The following FAT3 variants were observed in gnomAD, a reference collection of about 807,000 sequenced individuals.
FAT3 encodes the protein FAT atypical cadherin 3.
A neutral mutation model predicts 310.2 loss-of-function variants in FAT3; 95 were observed. The observed-to-expected ratio is 0.31, with a 90% CI of 0.26 to 0.36. FAT3 has a LOEUF of 0.36. Among genes scored for constraint, FAT3 ranks in the 10% least tolerant of loss-of-function variants. The probability of loss-of-function intolerance (pLI) is 1.00; values close to 1 mark genes in which losing one functional copy is unlikely to be tolerated. For missense variants in FAT3, 5,408 were observed against 5,715.6 expected (o/e 0.95, Z 1.74); for synonymous variants, 2,314 against 2,192.9 (o/e 1.06, Z -1.54).
rs560685063 is a variant in FAT3, at chr11:92,673,218, C to A, written c.3608-24166C>A. On this transcript the variant is annotated intron_variant, in intron 3 of 27. Transcript: ENST00000525166. Reference sequence around the variant, plus strand: ...GGTTATTTCCTCAATTTTATAAGACCAGCTCATATTTGGGGCTCCGCAAAG... The same window carrying A: ...GGTTATTTCCTCAATTTTATAAGACAAGCTCATATTTGGGGCTCCGCAAAG... Among the ~76,000 whole-genome samples, 3 of 152,108 alleles carry A rather than the reference C, an allele frequency of 2.0e-5. No homozygotes were observed. The East Asian group carries it at 5.8e-4, about 29-fold the overall frequency.
At chr11:92,775,596 A>G (rs1174077567) in intron 7 of FAT3, among the ~76,000 whole-genome samples, 2 of 152,176 alleles carry the variant, frequency 1.3e-5, no homozygotes, top group Non-Finnish European at 1.5e-5. Flanking sequence ...AGTCCCATTT[A>G]TGTCTGTGGA....
In FAT3 at chr11:92,442,105, A is replaced by ATTTTTTT. The variant is rs1565320166; in HGVS notation, c.3293-82528_3293-82527insTTTTTTT. ...TTTATATATATATATATATATATAT[A>ATTTTTTT]TATATATTTTTTTTTTTTTTTTTTT... On this transcript the variant is annotated intron_variant, in intron 2 of 27. Coordinates refer to ENST00000525166, the MANE Select transcript of FAT3 (RefSeq NM_001367949.2). 6.2e-3 allele frequency among the ~76,000 whole-genome samples: 125 copies of ATTTTTTT among 20,324 alleles called. 3 individuals are homozygous for ATTTTTTT. The highest frequency in any genetic ancestry group is 0.02 in the African/African-American group (114 of 5,822). The allele number at this position is 20,324 out of a possible 152,430, so 13.3% of individuals were successfully genotyped here.
intron 22 of FAT3, among the ~76,000 whole-genome samples, chr11:92,876,365 A>G (rs1291799806): frequency 1.3e-5 from 2 of 152,094 alleles, no homozygotes; most frequent in East Asian, 3.9e-4. Flanking sequence ...ACAATTTTCA[A>G]CTCTATTAAA....
chr11:92,613,558 T>G (rs980681379), intron 3 of FAT3, among the ~76,000 whole-genome samples: 2 of 152,146 alleles, frequency 1.3e-5, no homozygotes, highest in African/African-American at 4.8e-5. Context: ...GTATGCATAT[T>G]TAATAACCCA....
chr11:92,650,418 T>C (rs959638207), intron 3 of FAT3, among the ~76,000 whole-genome samples: 4 of 152,204 alleles, frequency 2.6e-5, no homozygotes, highest in Admixed American at 2.6e-4. Flanking sequence ...CGCACTGTCC[T>C]TCTTATTTCA....
chr11:92,288,027 G>C (rs573810851), intron 1 of FAT3, among the ~76,000 whole-genome samples: 1 of 152,108 alleles, frequency 6.6e-6, no homozygotes, highest in African/African-American at 2.4e-5. Context: ...GGGCTGAGAA[G>C]TACCTTTGGG....
At chr11:92,529,092 T>C (rs1418346544) in intron 3 of FAT3, among the ~76,000 whole-genome samples, 1 of 152,160 alleles carries the variant, frequency 6.6e-6, no homozygotes, top group Non-Finnish European at 1.5e-5. Flanking sequence ...GTGGGAGACA[T>C]AACAGAAATA....
At chr11:92,781,697 C>T (rs2136134615) in intron 7 of FAT3, among the ~76,000 whole-genome samples, 1 of 152,302 alleles carries the variant, frequency 6.6e-6, no homozygotes, top group South Asian at 2.1e-4. Flanking sequence ...GAAGGCAGTT[C>T]AGTCACTTTG....
intron 1 of FAT3, among the ~76,000 whole-genome samples, chr11:92,236,121 T>G (rs1864408259): frequency 6.6e-6 from 1 of 152,242 alleles, no homozygotes; most frequent in African/African-American, 2.4e-5. Flanking sequence ...ACACCTGTGC[T>G]GTAACTATTA....
intron 26 of FAT3, 77 bp downstream of exon 26, chr11:92,889,325 GGAT>G (rs1949863066): frequency 1.6e-6 from 1 of 620,368 alleles, no homozygotes; most frequent in South Asian, 2.0e-5. Context: ...TGATTTTAAT[GGAT>G]TGGCCACAGA....
intron 2 of FAT3, among the ~76,000 whole-genome samples, chr11:92,514,566 G>T (rs1953412387): frequency 6.6e-6 from 1 of 152,100 alleles, no homozygotes; most frequent in African/African-American, 2.4e-5. Context: ...CATGCTAGAA[G>T]CTCATTGTAG....
At chr11:92,323,414 A>AT (rs1947678782) in intron 1 of FAT3, among the ~76,000 whole-genome samples, 1 of 151,742 alleles carries the variant, frequency 6.6e-6, no homozygotes, top group Non-Finnish European at 1.5e-5. Flanking sequence ...TGCCTGGATA[A>AT]TTTTTTAATT....
intron 1 of FAT3, among the ~76,000 whole-genome samples, chr11:92,232,164 T>C (rs1864211502): frequency 6.6e-6 from 1 of 152,100 alleles, no homozygotes; most frequent in Non-Finnish European, 1.5e-5. Context: ...AGAACTTCAC[T>C]GCAAAGAAAT....
At chr11:92,886,447 C>G (rs1465902927) in intron 24 of FAT3, among the ~76,000 whole-genome samples, 1 of 152,098 alleles carries the variant, frequency 6.6e-6, no homozygotes, top group African/African-American at 2.4e-5. Context: ...GCCAGCCCTC[C>G]TACCTGACAC....
At chr11:92,598,740 T>C (rs920053975) in intron 3 of FAT3, among the ~76,000 whole-genome samples, 1 of 152,194 alleles carries the variant, frequency 6.6e-6, no homozygotes, top group African/African-American at 2.4e-5. Flanking sequence ...AGTTAGTCTG[T>C]AGTTGAGGCC....
At chr11:92,368,869 T>C (rs567812748) in intron 2 of FAT3, among the ~76,000 whole-genome samples, 30 of 141,688 alleles carry the variant, frequency 2.1e-4, no homozygotes, top group Middle Eastern at 3.3e-3. Flanking sequence ...CATATATATA[T>C]ACACACATAT....
At chr11:92,307,840 A>G (rs1275674645) in intron 1 of FAT3, among the ~76,000 whole-genome samples, 1 of 152,182 alleles carries the variant, frequency 6.6e-6, no homozygotes, top group Non-Finnish European at 1.5e-5. Context: ...ATTTAAACAC[A>G]GGTTTTCATA....
intron 5 of FAT3, 88 bp downstream of exon 5, chr11:92,762,258 T>A: frequency 7.4e-7 from 1 of 1,358,026 alleles, no homozygotes; most frequent in Non-Finnish European, 1.0e-6. Flanking sequence ...CAATAAATCT[T>A]TAGAGTAAAA....
At chr11:92,437,650 A>G (rs1950969299) in intron 2 of FAT3, among the ~76,000 whole-genome samples, 1 of 152,168 alleles carries the variant, frequency 6.6e-6, no homozygotes, top group African/African-American at 2.4e-5. Context: ...GGTGTCAGTG[A>G]TGGGTTAGGA....
Sources: gnomAD v4.1 joint callset for allele counts (sites outside exome capture counted in the v4.1 genomes callset) on GRCh38, gnomAD v4.1.1 for gene constraint, MANE v1.5 for transcripts, NCBI Gene and HGNC (gene_info 2026-07-23, HGNC 2026-07-21) for gene names.